The following FAM193A variants were observed in gnomAD, a reference collection of about 807,000 sequenced individuals.
FAM193A encodes the protein protein FAM193A.
Under a neutral mutation model 126.5 loss-of-function variants are expected in FAM193A, and 22 were observed. The observed-to-expected ratio is 0.17, with a 90% confidence interval of 0.12 to 0.25. The LOEUF (loss-of-function observed/expected upper bound fraction) is 0.25. Among genes scored for constraint, FAM193A ranks in the 10% least tolerant of loss-of-function variants. The probability of loss-of-function intolerance (pLI) is 1.00; values close to 1 mark genes in which losing one functional copy is unlikely to be tolerated. For missense variants in FAM193A, 1,675 were observed against 1,672.8 expected, an observed-to-expected ratio of 1.00 and a Z score of -0.02; for synonymous variants, 761 against 646.8, an observed-to-expected ratio of 1.18 and a Z score of -2.68.
chr4:2,593,800 G>A (rs1012281788), intron 1 of FAM193A, among the ~76,000 whole-genome samples: 6 of 152,116 alleles, frequency 3.9e-5, no homozygotes, highest in African/African-American at 1.4e-4. Flanking sequence ...TGTTCTGCCA[G>A]TGATGGGAGC....
intron 13 of FAM193A, among the ~76,000 whole-genome samples, chr4:2,678,630 T>C (rs554611924): frequency 3.3e-5 from 5 of 152,302 alleles, no homozygotes; most frequent in South Asian, 2.1e-4. Flanking sequence ...CCCAAAGTGC[T>C]GGGATTACAG....
At chr4:2,679,375 C>CTTTTTT (rs796366785) in intron 13 of FAM193A, among the ~76,000 whole-genome samples, 22 of 87,890 alleles carry the variant, frequency 2.5e-4, no homozygotes, top group East Asian at 3.8e-4. Flanking sequence ...AGTTTTCTTT[C>CTTTTTT]TTTTTTTTTT....
chr4:2,587,642 CA>C (rs1278087040), intron 1 of FAM193A, among the ~76,000 whole-genome samples: 2 of 152,078 alleles, frequency 1.3e-5, no homozygotes, highest in Non-Finnish European at 2.9e-5. Flanking sequence ...TGCAGCGAGC[CA>C]AGATCGTGCT....
chr4:2,664,152 T>C (rs1712815292), intron 12 of FAM193A, among the ~76,000 whole-genome samples: 1 of 152,202 alleles, frequency 6.6e-6, no homozygotes, highest in African/African-American at 2.4e-5. Context: ...CTTCTACGTA[T>C]AATGTTTTTG....
At chr4:2,672,454 G>C in intron 13 of FAM193A, 82 bp downstream of exon 13, 3 of 1,487,560 alleles carry the variant, frequency 2.0e-6, no homozygotes, top group Non-Finnish European at 2.8e-6. Context: ...AGAAATCTGT[G>C]AATTAGCAAC....
In FAM193A at chr4:2,624,463, C is replaced by T. The variant is rs928079392; in HGVS notation, c.502-799C>T. ...CCGGCCAAGTGTTCTCTTTCTTAAG[C>T]CTCCTTGTTCCTCAGAGCAGGCAGT... On this transcript the variant is annotated intron_variant, in intron 2 of 20. Transcript: ENST00000637812. 2.6e-5 allele frequency among the ~76,000 whole-genome samples: 4 copies of T among 152,136 alleles called. No homozygotes were observed. In the South Asian group the frequency reaches 6.2e-4, roughly 24 times the overall value.
chr4:2,647,638 A>C (rs567957601), intron 7 of FAM193A, among the ~76,000 whole-genome samples: 1 of 152,298 alleles, frequency 6.6e-6, no homozygotes, highest in South Asian at 2.1e-4. Context: ...CAGGCAGCCC[A>C]AGCCTGTCAG....
chr4:2,696,629 T>TG, intron 18 of FAM193A, 36 bp downstream of exon 18: 3 of 1,547,752 alleles, frequency 1.9e-6, no homozygotes, highest in Non-Finnish European at 1.8e-6. Context: ...AGGCGCCAGG[T>TG]CTGAGGGCAT....
Position 2,690,742 on chromosome 4 carries a change from G to T in FAM193A, c.2575G>T (p.Ala859Ser). The T allele has an allele frequency of 6.2e-7, 1 of 1,613,994 alleles. No individual in the cohort carries two copies. The highest frequency in any genetic ancestry group is 8.5e-7 in the Non-Finnish European group (1 of 1,179,984). ...GPTLSETRPE[A>S]LPPPSSNETP... ...AACACTCTCAGAAACAAGACCGGAA[G>T]CCCTTCCACCTCCATCTAGCAATGA... Residue 859 changes from alanine to serine, a missense_variant, in exon 15 of 21, where the codon GCC becomes TCC. Ala to Ser is a moderately conservative substitution (Grantham distance 99). Coordinates refer to ENST00000637812, the MANE Select transcript of FAM193A (RefSeq NM_001366318.2).
intron 20 of FAM193A, among the ~76,000 whole-genome samples, chr4:2,717,998 CAT>C (rs1386712499): frequency 6.6e-6 from 1 of 152,112 alleles, no homozygotes; most frequent in African/African-American, 2.4e-5. Flanking sequence ...ATAATTAAAA[CAT>C]TGCATATGAA....
intron 4 of FAM193A, 52 bp downstream of exon 4, chr4:2,626,629 G>A: frequency 1.5e-6 from 1 of 664,386 alleles, no homozygotes; most frequent in Admixed American, 2.0e-5. Flanking sequence ...TGCCCTCCCT[G>A]CTGCACTTGG....
intron 1 of FAM193A, among the ~76,000 whole-genome samples, chr4:2,583,691 A>G (rs896922178): frequency 4.6e-5 from 7 of 152,028 alleles, no homozygotes; most frequent in African/African-American, 2.4e-5. Flanking sequence ...GCCTTTCGCA[A>G]TTTGTCTTTT....
chr4:2,689,464 A>G (rs751491546), intron 13 of FAM193A, 42 bp from the exon 14 acceptor site: 45 of 1,425,048 alleles, frequency 3.2e-5, no homozygotes, highest in Non-Finnish European at 4.1e-5. Flanking sequence ...AGGTAAACAG[A>G]ATATTAATTT....
chr4:2,663,330 G>C, intron 12 of FAM193A, 42 bp downstream of exon 12: 1 of 1,476,878 alleles, frequency 6.8e-7, no homozygotes, highest in South Asian at 1.4e-5. Flanking sequence ...CTCTTTTTCT[G>C]TGTGTATTTT....
Position 2,696,516 on chromosome 4 carries a change from C to A in FAM193A, c.3430C>A (p.Gln1144Lys). 6.2e-7 allele frequency: 1 copy of A among 1,614,180 alleles called. No individual in the cohort carries two copies. Among genetic ancestry groups the A allele is most frequent in the Non-Finnish European group, 8.5e-7 (1 of 1,180,016 alleles). ...CCATCGGAGGGTGGAGGATTTGTTG[C>A]AGTTTATAAATAGCTCCGAAACCAA... is the stretch of plus-strand genomic sequence containing the variant. ...VDHRRVEDLLQFINSSETKPV... is the reference protein window; with the variant it reads ...VDHRRVEDLLKFINSSETKPV... Residue 1144 changes from glutamine (Q) to lysine (K), a missense_variant, in exon 18 of 21, where the codon CAG becomes AAG. Physicochemically the swap from Gln to Lys is moderately conservative, Grantham distance 53. Transcript: ENST00000637812.
intron 1 of FAM193A, among the ~76,000 whole-genome samples, chr4:2,557,912 A>T (rs1009363483): frequency 1.3e-5 from 2 of 151,984 alleles, no homozygotes; most frequent in African/African-American, 4.8e-5. Context: ...AGAACGTGCC[A>T]CTGCACTCCA....
chr4:2,542,468 C>G (rs1253839939), intron 1 of FAM193A, among the ~76,000 whole-genome samples: 2 of 152,180 alleles, frequency 1.3e-5, no homozygotes, highest in East Asian at 3.8e-4. Flanking sequence ...TTAAAGCTGT[C>G]TTTAGTTTTT....
At chr4:2,582,454 T>A (rs921441515) in intron 1 of FAM193A, among the ~76,000 whole-genome samples, 7 of 152,156 alleles carry the variant, frequency 4.6e-5, no homozygotes, top group African/African-American at 1.7e-4. Context: ...ATTTCCTTCC[T>A]TCCTTCTCCT....
intron 2 of FAM193A, among the ~76,000 whole-genome samples, chr4:2,617,993 G>A (rs1202619297): frequency 1.3e-5 from 2 of 152,130 alleles, no homozygotes; most frequent in Non-Finnish European, 2.9e-5. Flanking sequence ...GGTAGCTTCT[G>A]TTTGAAATCT....
Sources: gnomAD v4.1 joint callset for allele counts (sites outside exome capture counted in the v4.1 genomes callset) on GRCh38, gnomAD v4.1.1 for gene constraint, MANE v1.5 for transcripts, NCBI Gene and HGNC (gene_info 2026-07-23, HGNC 2026-07-21) for gene names.